The following TPH1 variants were observed in gnomAD, a reference collection of about 807,000 sequenced individuals.
The protein encoded by TPH1 is tryptophan 5-hydroxylase 1.
In TPH1, 37 loss-of-function variants were observed where a neutral mutation model predicts 49.5. The ratio of observed to expected loss-of-function variants is 0.75; its 90% CI spans 0.58 to 0.98. The LOEUF is 0.98. TPH1 is among the 50% of genes least tolerant of loss of function. TPH1 has a pLI of 0.00. For missense variants in TPH1, 487 were observed against 523.6 expected, an observed-to-expected ratio of 0.93 and a Z score of 0.68; for synonymous variants, 160 against 182.1, an observed-to-expected ratio of 0.88 and a Z score of 0.98.
Position 18,022,819 on chromosome 11 carries a change from T to G in TPH1, c.1139A>C (p.Glu380Ala), listed in dbSNP as rs778385796. ...GTACCTCATCTTCTCCTTTGCATCT[T>G]CAAAACTTTCAGATACAAAGTAGAC... is the stretch of plus-strand genomic sequence containing the variant. ...QDVYFVSESF[E>A]DAKEKMREFT... Residue 380 changes from glutamate (E) to alanine (A), a missense_variant, in exon 10 of 11, where the codon GAA becomes GCA. Transcript: ENST00000682019. 2.5e-6 allele frequency: 4 copies of G among 1,613,350 alleles called. No homozygotes were observed. In the South Asian group the frequency reaches 4.4e-5, roughly 18 times the overall value.
At position 18,036,043 on chromosome 11, in the gene TPH1, A is replaced by T. The variant is rs925157867; in HGVS notation, c.217T>A (p.Leu73Met). Residue 73 changes from leucine to methionine, a missense_variant, in exon 3 of 11, where the codon TTG becomes ATG. Physicochemically the swap from Leu to Met is conservative, Grantham distance 15 (BLOSUM62 2). Transcript: ENST00000682019. Reference protein sequence around the residue: ...FVDCDINREQLNDIFHLLKSH... With the variant: ...FVDCDINREQMNDIFHLLKSH... ...TTCAGCAGATGAAAAATATCATTCA[A>T]TTGTTCTCTGTTGATGTCACAGTCA... 14 of 1,612,832 alleles carry T rather than the reference A, an allele frequency of 8.7e-6. No individual in the cohort carries two copies. Among genetic ancestry groups the T allele is most frequent in the Non-Finnish European group, 1.2e-5 (14 of 1,179,630 alleles).
chr11:18,041,548 T>C (rs1215993044), intron 1 of TPH1, among the ~76,000 whole-genome samples: 1 of 152,224 alleles, frequency 6.6e-6, no homozygotes, highest in East Asian at 1.9e-4. Context: ...ACATCCAAAA[T>C]TCTCACTCGT....
chr11:18,031,083 A>G (rs1847985089), intron 4 of TPH1, among the ~76,000 whole-genome samples: 1 of 152,140 alleles, frequency 6.6e-6, no homozygotes, highest in Non-Finnish European at 1.5e-5. Context: ...GTCACCCAAA[A>G]AGAAACACCA....
At position 18,040,643 on chromosome 11, in the gene TPH1, T is replaced by G. The variant is rs1168884108; in HGVS notation, c.117+3A>C. The G allele has an allele frequency of 1.9e-6, 3 of 1,610,082 alleles. No homozygotes were observed. In the Admixed American group the frequency reaches 5.0e-5, roughly 27 times the overall value. On this transcript the variant is annotated splice_donor_region_variant and intron_variant, in intron 2 of 10. Coordinates refer to ENST00000682019, the MANE Select transcript of TPH1 (RefSeq NM_004179.3). The stretch of plus-strand genomic sequence containing the variant: ...TCTGTGCAAAAATACAGAAAATGCT[T>G]ACCTGAAAGATTTTCAGGGCTTTTA...
intron 6 of TPH1, among the ~76,000 whole-genome samples, chr11:18,027,135 A>T (rs1277892295): frequency 6.6e-6 from 1 of 152,170 alleles, no homozygotes; most frequent in Non-Finnish European, 1.5e-5. Context: ...CCTTTCTTTT[A>T]TCTAAACTGG....
At chr11:18,029,103 A>AAAAAT in intron 6 of TPH1, 62 bp downstream of exon 6, 7 of 1,070,344 alleles carry the variant, frequency 6.5e-6, no homozygotes, top group Non-Finnish European at 9.8e-6. Context: ...AAAAAAAAAA[A>AAAAAT]TGCTGTCATG....
At position 18,019,329 on chromosome 11, in the gene TPH1, A is replaced by T. The variant is rs974414709; in HGVS notation, c.*1662T>A. 1 of 167,888 alleles carries T rather than the reference A, an allele frequency of 6.0e-6. No individual in the cohort carries two copies. The highest frequency in any genetic ancestry group is 1.3e-5 in the Non-Finnish European group (1 of 77,986). The allele number at this position is 167,888 out of a possible 1,614,324, so 10.4% of individuals were successfully genotyped here. ...AAGTAGCTGACTAAACCTAAAAATG[A>T]TTGAAAATACGATGTTTAATATACC... is the stretch of plus-strand genomic sequence containing the variant. On this transcript the variant is annotated 3_prime_UTR_variant, in exon 11 of 11. Coordinates refer to ENST00000682019, the MANE Select transcript of TPH1 (RefSeq NM_004179.3).
At chr11:18,030,941 G>A (rs1847982691) in intron 4 of TPH1, among the ~76,000 whole-genome samples, 1 of 152,158 alleles carries the variant, frequency 6.6e-6, no homozygotes, top group Admixed American at 6.5e-5. Context: ...CTTGGGTAAT[G>A]GGAACCCACT....
intron 6 of TPH1, among the ~76,000 whole-genome samples, chr11:18,027,680 G>C (rs1847943572): frequency 1.3e-5 from 2 of 152,156 alleles, no homozygotes; most frequent in Non-Finnish European, 2.9e-5. Context: ...TTTCAGTTTT[G>C]TGTGCATTAC....
chr11:18,026,452 C>T (rs895057092), intron 7 of TPH1, 38 bp downstream of exon 7: 4 of 1,436,162 alleles, frequency 2.8e-6, no homozygotes, highest in Admixed American at 1.8e-5. Context: ...TTATAAATAA[C>T]CATTTGATGA....
intron 3 of TPH1, among the ~76,000 whole-genome samples, chr11:18,035,525 C>T (rs887889196): frequency 4.0e-5 from 6 of 150,642 alleles, no homozygotes; most frequent in African/African-American, 1.5e-4. Flanking sequence ...ACCTCCTGGG[C>T]TCAGGTGATC....
Position 18,022,822 on chromosome 11 carries a change from A to G in TPH1, c.1136T>C (p.Phe379Ser). 1 of 1,613,400 alleles carries G rather than the reference A, an allele frequency of 6.2e-7. No homozygotes were observed. Among genetic ancestry groups the G allele is most frequent in the Non-Finnish European group, 8.5e-7 (1 of 1,179,530 alleles). The change falls in exon 10 of 11, where the codon TTT (phenylalanine) becomes TCT (serine). Residue 379 changes from phenylalanine to serine, a missense_variant. Physicochemically the swap from Phe to Ser is radical, Grantham distance 155 (BLOSUM62 -2). Transcript: ENST00000682019. ...FQDVYFVSES[F>S]EDAKEKMREF... ...CCTCATCTTCTCCTTTGCATCTTCAAAACTTTCAGATACAAAGTAGACATC... is the reference window on the plus strand; with the variant it reads ...CCTCATCTTCTCCTTTGCATCTTCAGAACTTTCAGATACAAAGTAGACATC...
intron 1 of TPH1, 55 bp from the exon 2 acceptor site, chr11:18,040,843 A>T: frequency 6.6e-7 from 1 of 1,508,178 alleles, no homozygotes; most frequent in Non-Finnish European, 9.0e-7. Context: ...CAATGCAGAC[A>T]ATATTTGATA....
chr11:18,031,704 A>G (rs1263280387), intron 4 of TPH1, among the ~76,000 whole-genome samples: 3 of 152,162 alleles, frequency 2.0e-5, no homozygotes, highest in African/African-American at 7.2e-5. Flanking sequence ...TGATGTACTC[A>G]CCTTTCCATA....
intron 4 of TPH1, among the ~76,000 whole-genome samples, chr11:18,032,450 A>G (rs1444550354): frequency 4.0e-5 from 6 of 151,382 alleles, no homozygotes; most frequent in East Asian, 1.9e-4. Context: ...CATGGGACAG[A>G]TATTTTGGAA....
chr11:18,026,683 G>T, intron 6 of TPH1, 58 bp from the exon 7 acceptor site: 2 of 1,607,888 alleles, frequency 1.2e-6, no homozygotes. Flanking sequence ...CCTGACTGCA[G>T]CATTTTAGTT....
chr11:18,031,143 T>C (rs1452126363), intron 4 of TPH1, among the ~76,000 whole-genome samples: 1 of 152,174 alleles, frequency 6.6e-6, no homozygotes, highest in East Asian at 1.9e-4. Context: ...CCTCAGCTCC[T>C]GGCAACCAGT....
intron 4 of TPH1, among the ~76,000 whole-genome samples, chr11:18,031,412 C>T (rs182117133): frequency 2.3e-4 from 35 of 152,192 alleles, no homozygotes; most frequent in African/African-American, 7.7e-4. Context: ...ATGAATAAGG[C>T]TGCTACAATC....
intron 7 of TPH1, 90 bp downstream of exon 7, chr11:18,026,400 A>G (rs1847929173): frequency 1.9e-6 from 2 of 1,044,578 alleles, no homozygotes; most frequent in East Asian, 5.9e-5. Context: ...CACCAAAAAA[A>G]AAAAAAAAAA....
Sources: allele counts gnomAD v4.1 joint callset (sites outside exome capture counted in the v4.1 genomes callset), GRCh38; gene constraint gnomAD v4.1.1; transcripts MANE v1.5; gene names NCBI Gene and HGNC (gene_info 2026-07-23, HGNC 2026-07-21).